Variants in MTUS2 observed in about 807,000 individuals in gnomAD.
The protein encoded by MTUS2 is microtubule-associated tumor suppressor candidate 2.
Under a neutral mutation model 114.1 loss-of-function variants are expected in MTUS2, and 40 were observed. The observed-to-expected ratio is 0.35, with a 90% CI of 0.27 to 0.46. The LOEUF is 0.46. Ranked by LOEUF, MTUS2 falls within the 20% of genes least tolerant of loss-of-function variation. The pLI is 1.00. For missense variants in MTUS2, 1,679 were observed against 1,705.4 expected, an observed-to-expected ratio of 0.98 and a Z score of 0.27; for synonymous variants, 688 against 672.0, an observed-to-expected ratio of 1.02 and a Z score of -0.37.
At chr13:29,455,355 A>G (rs1234477073) in intron 9 of MTUS2, among the ~76,000 whole-genome samples, 2 of 152,174 alleles carry the variant, frequency 1.3e-5, no homozygotes, top group Admixed American at 6.5e-5. Flanking sequence ...GTGCTGGGAA[A>G]TACGGGAATT....
At chr13:28,863,557 G>A (rs1877121790) in intron 2 of MTUS2, among the ~76,000 whole-genome samples, 1 of 152,144 alleles carries the variant, frequency 6.6e-6, no homozygotes, top group Non-Finnish European at 1.5e-5. Context: ...TGTCTTCCTA[G>A]GTTTGCCTGG....
chr13:29,143,368 T>C lies in MTUS2; in HGVS notation c.2644+42398T>C, dbSNP rs376106894. 4.6e-5 allele frequency among the ~76,000 whole-genome samples: 7 copies of C among 152,326 alleles called. No homozygotes were observed. In the East Asian group the frequency reaches 9.6e-4, roughly 21 times the overall value. On this transcript the variant is annotated intron_variant, in intron 5 of 15. Coordinates refer to ENST00000612955, the MANE Select transcript of MTUS2 (RefSeq NM_001033602.4). ...CTTTCATTTTTTCTAAATTTGGTGC[T>C]CCATATATGTTCAGTGCTTAATACA...
chr13:28,832,636 TATATA>T (rs1331159965), intron 1 of MTUS2, among the ~76,000 whole-genome samples: 4 of 148,418 alleles, frequency 2.7e-5, no homozygotes, highest in African/African-American at 9.8e-5. Flanking sequence ...TATATAAATA[TATATA>T]ATATGACAAT....
chr13:28,935,260 A>C (rs1881843268), intron 2 of MTUS2, among the ~76,000 whole-genome samples: 1 of 152,038 alleles, frequency 6.6e-6, no homozygotes, highest in African/African-American at 2.4e-5. Flanking sequence ...TGTTGTTATG[A>C]ACATTTTTGT....
rs1368698640 is a variant in MTUS2, at chr13:29,324,671, T to C, written c.2865T>C (p.Pro955=). 1 of 1,599,502 alleles carries C rather than the reference T, an allele frequency of 6.3e-7. No individual in the cohort carries two copies. The highest frequency in any genetic ancestry group is 1.3e-5 in the African/African-American group (1 of 74,930). The change falls in exon 7 of 16, where the codon CCT becomes CCC. Residue 955 remains proline (P), a synonymous_variant. Transcript: ENST00000612955. Reference sequence around the variant, plus strand: ...CGAATAAACCTGCTGTTTCATCTCCTAAGAGAGTAGCAGCTTCAACCACCA... The same window carrying C: ...CGAATAAACCTGCTGTTTCATCTCCCAAGAGAGTAGCAGCTTCAACCACCA... ...QDTNKPAVSS[P]KRVAASTTKL...
chr13:28,912,024 A>G (rs750018951), intron 2 of MTUS2, among the ~76,000 whole-genome samples: 3 of 151,372 alleles, frequency 2.0e-5, no homozygotes, highest in Non-Finnish European at 2.9e-5. Flanking sequence ...CCATTTGTCA[A>G]TTTTTGCTTT....
chr13:29,138,335 ATTG>A (rs1210169307), intron 5 of MTUS2, among the ~76,000 whole-genome samples: 1 of 151,956 alleles, frequency 6.6e-6, no homozygotes, highest in East Asian at 1.9e-4. Context: ...TGCCAATGTA[ATTG>A]TTGTCTGGGT....
intron 4 of MTUS2, among the ~76,000 whole-genome samples, chr13:29,064,202 A>C (rs1387787754): frequency 1.3e-5 from 2 of 152,176 alleles, no homozygotes; most frequent in Non-Finnish European, 2.9e-5. Flanking sequence ...TAGATGGACT[A>C]AGTGAAACAG....
At chr13:29,018,423 A>T (rs772380736) in intron 2 of MTUS2, among the ~76,000 whole-genome samples, 4 of 152,192 alleles carry the variant, frequency 2.6e-5, no homozygotes, top group Admixed American at 6.5e-5. Context: ...CCTAAAATGG[A>T]TGAAGAAATT....
chr13:29,323,333 G>T (rs1434269615), intron 6 of MTUS2, among the ~76,000 whole-genome samples: 2 of 151,322 alleles, frequency 1.3e-5, no homozygotes, highest in Non-Finnish European at 2.9e-5. Flanking sequence ...CACTGCAAGC[G>T]CCACCTCCTG....
intron 8 of MTUS2, among the ~76,000 whole-genome samples, chr13:29,417,244 C>G (rs541019389): frequency 6.6e-6 from 1 of 152,258 alleles, no homozygotes; most frequent in South Asian, 2.1e-4. Flanking sequence ...ATGACCAGCT[C>G]TCATGCAAAC....
chr13:29,089,736 T>C (rs796909674), intron 4 of MTUS2, among the ~76,000 whole-genome samples: 3 of 152,364 alleles, frequency 2.0e-5, no homozygotes, highest in African/African-American at 7.2e-5. Flanking sequence ...TATTCTGTTA[T>C]TAGTGGTTCC....
chr13:29,005,929 G>T (rs1474755584), intron 2 of MTUS2, among the ~76,000 whole-genome samples: 2 of 152,232 alleles, frequency 1.3e-5, no homozygotes, highest in Non-Finnish European at 1.5e-5. Context: ...CTATTTCCAT[G>T]TTCTGGCAGA....
At position 29,047,258 on chromosome 13, in the gene MTUS2, AG is replaced by A. The variant is rs1289603850; in HGVS notation, c.2446+13136del. Among the ~76,000 whole-genome samples, 3 of 152,198 alleles carry A rather than the reference AG, an allele frequency of 2.0e-5. No individual in the cohort carries two copies. In the East Asian group the frequency reaches 5.8e-4, roughly 29 times the overall value. ...GAAATGGAAGTTTTACCCATGCTGC[AG>A]GGTTATGGTGAAAGTGAGTGATGTT... On this transcript the variant is annotated intron_variant, in intron 4 of 15. Transcript: ENST00000612955.
chr13:29,153,050 C>T (rs1460285214), intron 5 of MTUS2, among the ~76,000 whole-genome samples: 1 of 152,168 alleles, frequency 6.6e-6, no homozygotes. Context: ...TACCCTAACC[C>T]CTCTGAACTT....
intron 2 of MTUS2, among the ~76,000 whole-genome samples, chr13:28,958,632 T>C (rs1301297261): frequency 6.6e-6 from 1 of 152,198 alleles, no homozygotes; most frequent in Admixed American, 6.5e-5. Context: ...GGCAGCCACA[T>C]TGACAAGAGC....
intron 2 of MTUS2, among the ~76,000 whole-genome samples, chr13:28,963,196 A>G (rs975508329): frequency 1.8e-4 from 27 of 152,026 alleles, no homozygotes; most frequent in African/African-American, 6.5e-4. Context: ...CTAAAAATAT[A>G]AAAAATTAGC....
chr13:29,499,229 T>A (rs2139014485), intron 14 of MTUS2, among the ~76,000 whole-genome samples: 1 of 152,202 alleles, frequency 6.6e-6, no homozygotes, highest in Non-Finnish European at 1.5e-5. Context: ...CCAGCCTGGC[T>A]CCTGCAGAGC....
At chr13:29,134,039 C>A (rs898250755) in intron 5 of MTUS2, among the ~76,000 whole-genome samples, 7 of 152,024 alleles carry the variant, frequency 4.6e-5, no homozygotes, top group Non-Finnish European at 8.8e-5. Context: ...CAAATTTGCC[C>A]TTTGGCACTG....
Sources: allele counts gnomAD v4.1 joint callset (sites outside exome capture counted in the v4.1 genomes callset), GRCh38; gene constraint gnomAD v4.1.1; transcripts MANE v1.5; gene names NCBI Gene and HGNC (gene_info 2026-07-23, HGNC 2026-07-21).